Variants in MAK16 observed in about 807,000 individuals in gnomAD.
MAK16 encodes protein MAK16 homolog.
In MAK16, 12 loss-of-function variants were observed where a neutral mutation model predicts 49.9. The ratio of observed to expected loss-of-function variants is 0.24; its 90% CI spans 0.15 to 0.39. The LOEUF (loss-of-function observed/expected upper bound fraction) is 0.39, where lower values mean the gene tolerates loss of function less well. Ranked by LOEUF, MAK16 falls within the 10% of genes least tolerant of loss-of-function variation. The probability of loss-of-function intolerance (pLI) is 1.00; values close to 1 mark genes in which losing one functional copy is unlikely to be tolerated. For synonymous variants in MAK16, 115 were observed against 126.4 expected (o/e 0.91, Z 0.60); for missense variants, 292 against 363.7 (o/e 0.80, Z 1.60).
chr8:33,498,174 G>C (rs1808912089), intron 9 of MAK16, among the ~76,000 whole-genome samples: 2 of 150,854 alleles, frequency 1.3e-5, no homozygotes, highest in Admixed American at 1.3e-4. Flanking sequence ...TCAGGAAGCT[G>C]AGGTGGGAGG....
rs903290779 is a variant in MAK16, at chr8:33,488,829, C to T, written c.240+31C>T. 1.9e-6 allele frequency: 3 copies of T among 1,612,324 alleles called. No individual in the cohort carries two copies. The African/African-American group carries it at 4.0e-5, about 21-fold the overall frequency. On this transcript the variant is annotated intron_variant, in intron 4 of 9. Coordinates refer to ENST00000360128, the MANE Select transcript of MAK16 (RefSeq NM_032509.4). Reference sequence around the variant, plus strand: ...CCTTACAACAAAACTACAGTGACCGCTGATCAAGAGCATCAAAGCCACATG... The same window carrying T: ...CCTTACAACAAAACTACAGTGACCGTTGATCAAGAGCATCAAAGCCACATG...
In MAK16 at chr8:33,500,236, G is replaced by A; in HGVS notation, c.*1607G>A. 1 of 1,460,052 alleles carries A rather than the reference G, an allele frequency of 6.8e-7. No individual in the cohort carries two copies. 90.4% of individuals were successfully genotyped at this position (1,460,052 alleles called of 1,614,324 possible). A position where few individuals can be genotyped will look rare whatever the true frequency, so the allele number is the denominator to read the frequency against. On this transcript the variant is annotated 3_prime_UTR_variant, in exon 10 of 10. Transcript: ENST00000360128. ...ACCCTCCATGTTCATTTCCAGACTT[G>A]GTCAGGCACATACATAGTAAATTAT... is the stretch of plus-strand genomic sequence containing the variant.
chr8:33,494,197 CTGAG>C (rs1808820250), intron 6 of MAK16, among the ~76,000 whole-genome samples: 1 of 152,168 alleles, frequency 6.6e-6, no homozygotes, highest in Non-Finnish European at 1.5e-5. Flanking sequence ...CCTCAGCCTC[CTGAG>C]TAACTGGGAT....
chr8:33,497,355 CAA>C, intron 9 of MAK16, 58 bp downstream of exon 9: 22 of 395,990 alleles, frequency 5.6e-5, no homozygotes, highest in Non-Finnish European at 7.5e-5. Flanking sequence ...AAAAAAAAAA[CAA>C]AAACAGGGAG....
Position 33,490,274 on chromosome 8 carries a change from C to A in MAK16, c.393-11C>A. On this transcript the variant is annotated splice_polypyrimidine_tract_variant and intron_variant, in intron 5 of 9. Coordinates refer to ENST00000360128, the MANE Select transcript of MAK16 (RefSeq NM_032509.4). ...GACAGTGGATTTTCTGATATATTTT[C>A]TTTCCCTTAGGAGGAAACTTGTTCC... The A allele has an allele frequency of 6.2e-7, 1 of 1,608,414 alleles. No individual in the cohort carries two copies. The highest frequency in any genetic ancestry group is 8.5e-7 in the Non-Finnish European group (1 of 1,175,466).
chr8:33,499,094 C>CT lies in MAK16; in HGVS notation c.*472dup. On this transcript the variant is annotated 3_prime_UTR_variant, in exon 10 of 10. Coordinates refer to ENST00000360128, the MANE Select transcript of MAK16 (RefSeq NM_032509.4). ...CTTACAAAGTTTCGTGTAAAAATAT[C>CT]TTTTTTTCTTAAATAACTCCATTCA... is the stretch of plus-strand genomic sequence containing the variant. 8.1e-7 allele frequency: 1 copy of CT among 1,232,116 alleles called. No homozygotes were observed. Among genetic ancestry groups the CT allele is most frequent in the Non-Finnish European group, 1.2e-6 (1 of 841,894 alleles). 76.3% of individuals were successfully genotyped at this position (1,232,116 alleles called of 1,614,324 possible). A position where few individuals can be genotyped will look rare whatever the true frequency, so the allele number is the denominator to read the frequency against.
At chr8:33,497,644 C>T (rs1585318009) in intron 9 of MAK16, among the ~76,000 whole-genome samples, 1 of 152,054 alleles carries the variant, frequency 6.6e-6, no homozygotes. Flanking sequence ...AGGCATGTGC[C>T]ACTCCACCCG....
At chr8:33,498,089 C>A (rs1482187237) in intron 9 of MAK16, among the ~76,000 whole-genome samples, 1 of 124,694 alleles carries the variant, frequency 8.0e-6, no homozygotes, top group African/African-American at 2.9e-5. Flanking sequence ...GAGCGAGACT[C>A]CGTCTCCAAA....
chr8:33,494,590 GAC>G (rs1808826691), intron 6 of MAK16, among the ~76,000 whole-genome samples: 1 of 152,164 alleles, frequency 6.6e-6, no homozygotes, highest in African/African-American at 2.4e-5. Flanking sequence ...CACTGTATCT[GAC>G]ACACAACTAT....
At chr8:33,485,311 T>C (rs1032322121) in intron 1 of MAK16, 90 bp downstream of exon 1, 96 of 1,544,706 alleles carry the variant, frequency 6.2e-5, no homozygotes, top group Middle Eastern at 1.7e-4. Flanking sequence ...ACGCAGCGGG[T>C]CTGTTGCCTC....
At position 33,496,672 on chromosome 8, in the gene MAK16, G is replaced by A; in HGVS notation, c.570G>A (p.Leu190=). ...NFPIHAFDKA[L]EQQEAESDSS... ...CCATTCATGCCTTCGACAAAGCCCT[G>A]GAACAACAGGAGGCAGAGAGTGACT... The change falls in exon 8 of 10, where the codon CTG becomes CTA. Residue 190 remains leucine, a synonymous_variant. Coordinates refer to ENST00000360128, the MANE Select transcript of MAK16 (RefSeq NM_032509.4). 6.2e-7 allele frequency: 1 copy of A among 1,613,390 alleles called. No homozygotes were observed. The highest frequency in any genetic ancestry group is 8.5e-7 in the Non-Finnish European group (1 of 1,179,704).
chr8:33,486,542 C>G (rs1275977530), intron 1 of MAK16, among the ~76,000 whole-genome samples: 1 of 152,120 alleles, frequency 6.6e-6, no homozygotes, highest in Non-Finnish European at 1.5e-5. Flanking sequence ...ACAGAGAGAC[C>G]CTATCTCTAA....
At position 33,499,385 on chromosome 8, in the gene MAK16, A is replaced by G. The variant is rs1808979724; in HGVS notation, c.*756A>G. 3.6e-6 allele frequency: 3 copies of G among 823,794 alleles called. No individual in the cohort carries two copies. The highest frequency in any genetic ancestry group is 6.1e-6 in the Non-Finnish European group (3 of 488,232). 51.0% of individuals were successfully genotyped at this position (823,794 alleles called of 1,614,324 possible). ...TCATATTCAAAGGAGGAAAGAATGG[A>G]TGACACTTAGGGACAGGTCACTAAG... is the stretch of plus-strand genomic sequence containing the variant. On this transcript the variant is annotated 3_prime_UTR_variant, in exon 10 of 10. Transcript: ENST00000360128.
chr8:33,495,477 C>T, intron 6 of MAK16, 65 bp from the exon 7 acceptor site: 1 of 1,354,974 alleles, frequency 7.4e-7, no homozygotes, highest in African/African-American at 1.5e-5. Context: ...GTAGTTTCTT[C>T]CATTTTTATA....
Position 33,500,343 on chromosome 8 carries a change from A to G in MAK16, c.*1714A>G. On this transcript the variant is annotated 3_prime_UTR_variant, in exon 10 of 10. Coordinates refer to ENST00000360128, the MANE Select transcript of MAK16 (RefSeq NM_032509.4). The stretch of plus-strand genomic sequence containing the variant: ...TCTGCCTTACCTTTACCCGTCCTTG[A>G]GAACAGCGGTCCAGGAGAATCAGGC... The G allele has an allele frequency of 6.2e-7, 1 of 1,614,102 alleles. No individual in the cohort carries two copies. Among genetic ancestry groups the G allele is most frequent in the South Asian group, 1.1e-5 (1 of 91,078 alleles).
chr8:33,498,165 C>A (rs780335741), intron 9 of MAK16, among the ~76,000 whole-genome samples: 3 of 147,754 alleles, frequency 2.0e-5, no homozygotes, highest in Non-Finnish European at 4.4e-5. Context: ...CCCAGCTACT[C>A]AGGAAGCTGA....
At position 33,499,919 on chromosome 8, in the gene MAK16, T is replaced by G. The variant is rs1809002817; in HGVS notation, c.*1290T>G. 6.3e-6 allele frequency: 1 copy of G among 158,560 alleles called. No individual in the cohort carries two copies. The highest frequency in any genetic ancestry group is 2.4e-5 in the African/African-American group (1 of 41,502). The allele number at this position is 158,560 out of a possible 1,614,324, so 9.8% of individuals were successfully genotyped here. A position where few individuals can be genotyped will look rare whatever the true frequency, so the allele number is the denominator to read the frequency against. ...GGAAAAACATCTACCTAAAAGATGGTTGTCCCTAAAAAACTGGAAACATCT... is the reference window on the plus strand; with the variant it reads ...GGAAAAACATCTACCTAAAAGATGGGTGTCCCTAAAAAACTGGAAACATCT... On this transcript the variant is annotated 3_prime_UTR_variant, in exon 10 of 10. Transcript: ENST00000360128.
At position 33,498,967 on chromosome 8, in the gene MAK16, C is replaced by T; in HGVS notation, c.*338C>T. ...CATTACTTGGTGTCCTTTTTTCTCCCAAACTTTATTTAGAAATGGAAGGAG... is the reference window on the plus strand; with the variant it reads ...CATTACTTGGTGTCCTTTTTTCTCCTAAACTTTATTTAGAAATGGAAGGAG... On this transcript the variant is annotated 3_prime_UTR_variant, in exon 10 of 10. Transcript: ENST00000360128. 3.4e-6 allele frequency: 2 copies of T among 589,454 alleles called. No individual in the cohort carries two copies. The highest frequency in any genetic ancestry group is 3.0e-6 in the Non-Finnish European group (1 of 336,068). 36.5% of individuals were successfully genotyped at this position (589,454 alleles called of 1,614,324 possible).
At chr8:33,485,246 C>A in intron 1 of MAK16, 25 bp downstream of exon 1, 1 of 1,614,224 alleles carries the variant, frequency 6.2e-7, no homozygotes, top group Non-Finnish European at 8.5e-7. Context: ...GTTGTTCTTA[C>A]ACCCGGGGTT....
Sources: allele counts gnomAD v4.1 joint callset (sites outside exome capture counted in the v4.1 genomes callset), GRCh38; gene constraint gnomAD v4.1.1; transcripts MANE v1.5; gene names NCBI Gene and HGNC (gene_info 2026-07-23, HGNC 2026-07-21).